The following ATF7 variants were observed in gnomAD, a reference collection of about 807,000 sequenced individuals.
ATF7 encodes the protein cyclic AMP-dependent transcription factor ATF-7.
Under a neutral mutation model 50.4 loss-of-function variants are expected in ATF7, and 10 were observed. The observed-to-expected ratio is 0.20, with a 90% CI of 0.12 to 0.34. The LOEUF (loss-of-function observed/expected upper bound fraction) is 0.34. ATF7 is among the 10% of genes least tolerant of loss of function. ATF7 has a pLI of 1.00. For missense variants in ATF7, 465 were observed against 613.9 expected, an observed-to-expected ratio of 0.76 and a Z score of 2.56; for synonymous variants, 201 against 226.4, an observed-to-expected ratio of 0.89 and a Z score of 1.01.
chr12:53,618,062 C>T (rs537632851), intron 1 of ATF7, among the ~76,000 whole-genome samples: 2 of 152,268 alleles, frequency 1.3e-5, no homozygotes, highest in Admixed American at 1.3e-4. Flanking sequence ...AAAATGACTC[C>T]AATGCAAAAT....
At chr12:53,568,147 GT>G (rs1941549839) in intron 2 of ATF7, among the ~76,000 whole-genome samples, 1 of 152,182 alleles carries the variant, frequency 6.6e-6, no homozygotes, top group South Asian at 2.1e-4. Context: ...TAATACAGGA[GT>G]TTTAAAATTT....
chr12:53,539,686 C>CAATG (rs144445994), intron 4 of ATF7, among the ~76,000 whole-genome samples: 2,248 of 148,432 alleles, frequency 0.015, 29 homozygotes, highest in South Asian at 0.069. Context: ...AAGATCCTGT[C>CAATG]AATGAATGAA....
chr12:53,554,210 A>G (rs769621978), intron 2 of ATF7, among the ~76,000 whole-genome samples: 3 of 152,162 alleles, frequency 2.0e-5, no homozygotes, highest in Admixed American at 6.5e-5. Flanking sequence ...CGCTCACTGC[A>G]ACCTCTGCTG....
intron 3 of ATF7, among the ~76,000 whole-genome samples, chr12:53,548,930 A>T (rs1940126233): frequency 6.6e-6 from 1 of 152,082 alleles, no homozygotes; most frequent in African/African-American, 2.4e-5. Context: ...GGCTGCAGTG[A>T]GCTGTGATTG....
At chr12:53,581,291 A>G (rs1463408334) in intron 2 of ATF7, among the ~76,000 whole-genome samples, 1 of 152,114 alleles carries the variant, frequency 6.6e-6, no homozygotes, top group Non-Finnish European at 1.5e-5. Flanking sequence ...GGACGTATCC[A>G]GCAGGCAGAA....
At chr12:53,596,817 C>A (rs966059050) in intron 2 of ATF7, among the ~76,000 whole-genome samples, 1 of 152,258 alleles carries the variant, frequency 6.6e-6, no homozygotes, top group East Asian at 1.9e-4. Flanking sequence ...AACTATATTT[C>A]TATTATTTTA....
At chr12:53,593,896 CAG>C (rs1179257723) in intron 2 of ATF7, among the ~76,000 whole-genome samples, 7 of 152,198 alleles carry the variant, frequency 4.6e-5, no homozygotes, top group Admixed American at 1.3e-4. Context: ...AATCCACATA[CAG>C]AGAGGCCCTA....
At chr12:53,536,480 T>C (rs1939229158) in intron 5 of ATF7, among the ~76,000 whole-genome samples, 1 of 152,004 alleles carries the variant, frequency 6.6e-6, no homozygotes, top group Non-Finnish European at 1.5e-5. Context: ...TTTCACTATG[T>C]TGGCCAGGCT....
chr12:53,517,247 C>T lies in ATF7; in HGVS notation c.1342G>A (p.Ala448Thr). Residue 448 changes from alanine to threonine, a missense_variant, in exon 12 of 12, where the codon GCT becomes ACT. By Grantham distance (58) the Ala-to-Thr change is moderately conservative (BLOSUM62 0). Transcript: ENST00000420353. ...NGLSVRSAAE[A>T]VATSVLTQMA... is the part of the protein sequence containing the mutation. ...TGAGTGAGGACCGAGGTGGCCACAGCTTCAGCTGCAGAGCGAACACTGAGG... is the reference window on the plus strand; with the variant it reads ...TGAGTGAGGACCGAGGTGGCCACAGTTTCAGCTGCAGAGCGAACACTGAGG... 6.2e-7 allele frequency: 1 copy of T among 1,614,072 alleles called. No homozygotes were observed. Among genetic ancestry groups the T allele is most frequent in the Admixed American group, 1.7e-5 (1 of 60,022 alleles).
At chr12:53,531,228 C>A (rs1478622724) in intron 9 of ATF7, among the ~76,000 whole-genome samples, 1 of 151,880 alleles carries the variant, frequency 6.6e-6, no homozygotes, top group East Asian at 2.0e-4. Context: ...GGAGACCAGC[C>A]TGGCCAACAT....
chr12:53,582,022 G>C (rs1342837599), intron 2 of ATF7, among the ~76,000 whole-genome samples: 1 of 151,914 alleles, frequency 6.6e-6, no homozygotes, highest in Non-Finnish European at 1.5e-5. Context: ...AAAATCATTT[G>C]AACTGAGGAG....
intron 2 of ATF7, among the ~76,000 whole-genome samples, chr12:53,559,185 ATC>A (rs1940932157): frequency 6.6e-6 from 1 of 151,594 alleles, no homozygotes; most frequent in Non-Finnish European, 1.5e-5. Context: ...TAAGGAATAA[ATC>A]TCAATGAATA....
intron 2 of ATF7, among the ~76,000 whole-genome samples, chr12:53,588,316 A>G (rs562705494): frequency 6.6e-5 from 10 of 152,346 alleles, no homozygotes; most frequent in African/African-American, 2.4e-4. Context: ...CTATGAAGTC[A>G]AAGAAGGACA....
intron 1 of ATF7, among the ~76,000 whole-genome samples, chr12:53,609,889 T>G (rs1395758393): frequency 2.0e-5 from 3 of 148,786 alleles, no homozygotes; most frequent in Admixed American, 1.4e-4. Context: ...TGATCTTGGC[T>G]TACTGCAACC....
At chr12:53,591,575 A>C (rs1339702222) in intron 2 of ATF7, among the ~76,000 whole-genome samples, 1 of 152,222 alleles carries the variant, frequency 6.6e-6, no homozygotes. Flanking sequence ...CCTGTGGCTA[A>C]GGAATCAGAG....
chr12:53,590,372 A>T (rs1164075520), intron 2 of ATF7, among the ~76,000 whole-genome samples: 1 of 152,206 alleles, frequency 6.6e-6, no homozygotes, highest in Admixed American at 6.5e-5. Context: ...TGGATGAGGA[A>T]TCTTTGCACT....
At chr12:53,618,170 T>A (rs981492859) in intron 1 of ATF7, among the ~76,000 whole-genome samples, 7 of 152,252 alleles carry the variant, frequency 4.6e-5, no homozygotes, top group African/African-American at 1.7e-4. Context: ...TCCCACTGGG[T>A]CGACAGAAAC....
Position 53,524,468 on chromosome 12 carries a change from A to C in ATF7, c.1125+96T>G. ...ACAACTAGATCTGTCCTAATTAGAG[A>C]ATTACCATCTTCTATCAAATTGTAC... On this transcript the variant is annotated intron_variant, in intron 10 of 11. Coordinates refer to ENST00000420353, the MANE Select transcript of ATF7 (RefSeq NM_006856.3). The surrounding 1 kb of genome is among the most constrained non-coding windows in gnomAD (Gnocchi z 4.6). The C allele has an allele frequency of 7.3e-7, 1 of 1,371,326 alleles. No individual in the cohort carries two copies. The highest frequency in any genetic ancestry group is 1.0e-6 in the Non-Finnish European group (1 of 987,052). 84.9% of individuals were successfully genotyped at this position (1,371,326 alleles called of 1,614,324 possible).
intron 1 of ATF7, among the ~76,000 whole-genome samples, chr12:53,607,404 T>C (rs181140526): frequency 5.3e-4 from 81 of 152,300 alleles, no homozygotes; most frequent in African/African-American, 1.8e-3. Context: ...TCTTAAAATG[T>C]TTTATATCCT....
Sources: gnomAD v4.1 joint callset for allele counts (sites outside exome capture counted in the v4.1 genomes callset) on GRCh38, gnomAD v4.1.1 for gene constraint, Gnocchi (gnomAD v3.1) non-coding constraint, MANE v1.5 for transcripts, NCBI Gene and HGNC (gene_info 2026-07-23, HGNC 2026-07-21) for gene names.